Variants in AFAP1 observed in about 807,000 individuals in gnomAD.
AFAP1 encodes the protein actin filament-associated protein 1.
AFAP1 carries 75 observed loss-of-function variants against 93.9 expected under a neutral mutation model. The ratio of observed to expected loss-of-function variants is 0.80; its 90% CI spans 0.66 to 0.97. AFAP1 has a LOEUF of 0.97. Ranked by LOEUF, AFAP1 falls within the 50% of genes least tolerant of loss-of-function variation. The pLI is 0.00. For synonymous variants in AFAP1, 517 were observed against 430.7 expected, an observed-to-expected ratio of 1.20 and a Z score of -2.48; for missense variants, 1,201 against 1,050.8, an observed-to-expected ratio of 1.14 and a Z score of -1.98.
At chr4:7,897,518 G>T (rs979160640) in intron 1 of AFAP1, among the ~76,000 whole-genome samples, 46 of 140,370 alleles carry the variant, frequency 3.3e-4, no homozygotes, top group African/African-American at 1.1e-3. Context: ...TGTTTTTTTT[G>T]TTTGTTTGTT....
At chr4:7,902,820 C>T (rs992038844) in intron 1 of AFAP1, among the ~76,000 whole-genome samples, 1 of 152,142 alleles carries the variant, frequency 6.6e-6, no homozygotes, top group African/African-American at 2.4e-5. Flanking sequence ...GCCTGGAGCG[C>T]TCCTGGGCCT....
At chr4:7,839,380 A>C (rs77126505) in intron 5 of AFAP1, among the ~76,000 whole-genome samples, 4 of 112,762 alleles carry the variant, frequency 3.5e-5, no homozygotes, top group Non-Finnish European at 5.6e-5. Context: ...AACACACACA[A>C]ATATATATTT....
chr4:7,848,976 G>A (rs1207405425), intron 4 of AFAP1, among the ~76,000 whole-genome samples: 2 of 152,150 alleles, frequency 1.3e-5, no homozygotes, highest in Non-Finnish European at 2.9e-5. Flanking sequence ...AGCCAGCAAC[G>A]GTGCCCTGAG....
At chr4:7,891,322 T>C (rs1718457812) in intron 1 of AFAP1, among the ~76,000 whole-genome samples, 1 of 152,220 alleles carries the variant, frequency 6.6e-6, no homozygotes, top group Non-Finnish European at 1.5e-5. Flanking sequence ...GTGGAGAATG[T>C]TCTCCGTCTT....
chr4:7,912,500 AG>A (rs1719791995), intron 1 of AFAP1, among the ~76,000 whole-genome samples: 1 of 152,182 alleles, frequency 6.6e-6, no homozygotes, highest in Non-Finnish European at 1.5e-5. Flanking sequence ...CCATTCTGAT[AG>A]GTGTATAGTG....
intron 4 of AFAP1, among the ~76,000 whole-genome samples, chr4:7,855,168 AAT>A (rs1385508825): frequency 1.3e-5 from 2 of 152,184 alleles, no homozygotes; most frequent in Non-Finnish European, 2.9e-5. Flanking sequence ...GCACCCAAAA[AAT>A]ATACCACAAA....
Position 7,856,267 on chromosome 4 carries a change from G to A in AFAP1, c.226-693C>T, listed in dbSNP as rs547439466. Among the ~76,000 whole-genome samples the A allele has an allele frequency of 3.2e-3, 481 of 151,398 alleles. 3 individuals are homozygous for A. The highest frequency in any genetic ancestry group is 0.011 in the African/African-American group (464 of 41,176). ...TGTCACAATTTTTTTTTTTGAGTTG[G>A]AGTCTTGCTTTGTCACCCAGGCTGG... On this transcript the variant is annotated intron_variant, in intron 3 of 17. Transcript: ENST00000420658.
rs180785739 is a variant in AFAP1 at position 7,869,941 on chromosome 4, T to C, written c.128-1222A>G. ...GAATTGAAAAATATCAGGAGATTCATCCAGAAGGAGGCATGAAGAGACCAG... is the reference window on the plus strand; with the variant it reads ...GAATTGAAAAATATCAGGAGATTCACCCAGAAGGAGGCATGAAGAGACCAG... On this transcript the variant is annotated intron_variant, in intron 2 of 17. Transcript: ENST00000420658. 4.6e-3 allele frequency among the ~76,000 whole-genome samples: 699 copies of C among 152,234 alleles called. 3 individuals are homozygous for C. Among genetic ancestry groups the C allele is most frequent in the Non-Finnish European group, 6.2e-3 (425 of 68,026 alleles).
intron 1 of AFAP1, among the ~76,000 whole-genome samples, chr4:7,928,033 A>C (rs974811725): frequency 1.3e-5 from 2 of 152,212 alleles, no homozygotes; most frequent in Admixed American, 1.3e-4. Context: ...AATCATGATA[A>C]GAATTTTCAG....
chr4:7,798,225 TGGCTGGCTC>T (rs1718651901), intron 10 of AFAP1, among the ~76,000 whole-genome samples: 5 of 117,822 alleles, frequency 4.2e-5, no homozygotes, highest in Non-Finnish European at 7.1e-5. Flanking sequence ...GCAACTCTAT[TGGCTGGCTC>T]ACGGCACTGC....
intron 8 of AFAP1, among the ~76,000 whole-genome samples, chr4:7,812,396 G>A (rs11724632): frequency 0.21 from 31,389 of 152,100 alleles, 4,230 homozygotes; most frequent in Non-Finnish European, 0.3. Context: ...GCAAAGAAAT[G>A]AGATCATAAT....
intron 9 of AFAP1, among the ~76,000 whole-genome samples, chr4:7,801,899 A>G (rs536436937): frequency 2.2e-5 from 3 of 135,400 alleles, no homozygotes; most frequent in African/African-American, 8.4e-5. Context: ...TGAGCAACAC[A>G]GTGAGACCCT....
chr4:7,873,342 CTTT>C (rs1158765422), intron 1 of AFAP1, among the ~76,000 whole-genome samples: 2 of 50,998 alleles, frequency 3.9e-5, no homozygotes, highest in Non-Finnish European at 7.1e-5. Flanking sequence ...GAAGACACAC[CTTT>C]TTTTTTTTTT....
At chr4:7,899,535 A>G (rs753746512) in intron 1 of AFAP1, among the ~76,000 whole-genome samples, 19 of 152,258 alleles carry the variant, frequency 1.2e-4, no homozygotes, top group Non-Finnish European at 2.1e-4. Flanking sequence ...AAAGCACATT[A>G]TAAGAAGCTC....
At chr4:7,876,538 A>G (rs1375785304) in intron 1 of AFAP1, among the ~76,000 whole-genome samples, 2 of 152,200 alleles carry the variant, frequency 1.3e-5, no homozygotes, top group East Asian at 3.9e-4. Context: ...AAAGGACAGA[A>G]GCCAGCACTG....
chr4:7,820,936 T>A (rs1342521343), intron 6 of AFAP1, among the ~76,000 whole-genome samples: 1 of 152,032 alleles, frequency 6.6e-6, no homozygotes, highest in Non-Finnish European at 1.5e-5. Flanking sequence ...CTGACCAACA[T>A]GGAGAAGCCC....
chr4:7,840,904 A>G (rs1344448901), intron 5 of AFAP1, among the ~76,000 whole-genome samples: 1 of 152,258 alleles, frequency 6.6e-6, no homozygotes, highest in Non-Finnish European at 1.5e-5. Flanking sequence ...TTTATGGGGT[A>G]CAGAGTGATG....
At chr4:7,919,634 T>C (rs1720324641) in intron 1 of AFAP1, among the ~76,000 whole-genome samples, 1 of 151,160 alleles carries the variant, frequency 6.6e-6, no homozygotes. Context: ...TAGTCTTTTA[T>C]TTTTTTTTAA....
intron 1 of AFAP1, among the ~76,000 whole-genome samples, chr4:7,903,308 G>A (rs73073953): frequency 0.042 from 6,362 of 152,304 alleles, 239 homozygotes; most frequent in African/African-American, 0.095. Flanking sequence ...AATCAATGCT[G>A]TAGAAGAAAA....
Sources: allele counts gnomAD v4.1 joint callset (sites outside exome capture counted in the v4.1 genomes callset), GRCh38; gene constraint gnomAD v4.1.1; transcripts MANE v1.5; gene names NCBI Gene and HGNC (gene_info 2026-07-23, HGNC 2026-07-21).